Variants in CDH12 observed in about 807,000 individuals in gnomAD.
CDH12 encodes cadherin 12.
A neutral mutation model predicts 74.1 loss-of-function variants in CDH12; 41 were observed. The ratio of observed to expected loss-of-function variants is 0.55; its 90% CI spans 0.43 to 0.72. The LOEUF is 0.72. Ranked by LOEUF, CDH12 falls within the 30% of genes least tolerant of loss-of-function variation. The pLI, the probability that CDH12 is intolerant of heterozygous loss-of-function variation, is 0.00. For missense variants in CDH12, 945 were observed against 977.2 expected (o/e 0.97, Z 0.44); for synonymous variants, 399 against 355.0 (o/e 1.12, Z -1.39).
chr5:22,799,457 T>C (rs891838815), intron 1 of CDH12, among the ~76,000 whole-genome samples: 2 of 152,206 alleles, frequency 1.3e-5, no homozygotes, highest in African/African-American at 4.8e-5. Context: ...CAGTATTTTA[T>C]TAAAAATGTG....
At chr5:22,050,200 A>G (rs944772136) in intron 5 of CDH12, among the ~76,000 whole-genome samples, 1 of 151,902 alleles carries the variant, frequency 6.6e-6, no homozygotes, top group Non-Finnish European at 1.5e-5. Context: ...TTCCTCCACA[A>G]GTTGATTGCC....
At chr5:21,825,360 G>A (rs1183654648) in intron 8 of CDH12, among the ~76,000 whole-genome samples, 3 of 152,054 alleles carry the variant, frequency 2.0e-5, no homozygotes, top group Non-Finnish European at 4.4e-5. Context: ...CAATTGAAGT[G>A]TCCTTCATCT....
intron 1 of CDH12, among the ~76,000 whole-genome samples, chr5:22,798,988 AT>A (rs1268623368): frequency 1.3e-5 from 2 of 152,072 alleles, no homozygotes; most frequent in African/African-American, 4.8e-5. Flanking sequence ...GTGGCAGTGC[AT>A]ACCTGTGGTT....
intron 4 of CDH12, among the ~76,000 whole-genome samples, chr5:22,100,043 C>T (rs1270594179): frequency 1.3e-5 from 2 of 152,128 alleles, no homozygotes; most frequent in African/African-American, 2.4e-5. Context: ...AGAAACATCG[C>T]CCATTATCTC....
At chr5:22,805,040 T>C (rs1309478487) in intron 1 of CDH12, among the ~76,000 whole-genome samples, 1 of 152,190 alleles carries the variant, frequency 6.6e-6, no homozygotes, top group Non-Finnish European at 1.5e-5. Flanking sequence ...ACACTGCTGG[T>C]GGGAATGTAA....
At chr5:21,991,439 G>C (rs114916815) in intron 5 of CDH12, among the ~76,000 whole-genome samples, 24,089 of 123,378 alleles carry the variant, frequency 0.2, 2,203 homozygotes, top group African/African-American at 0.28. Context: ...CTTTTGCTCA[G>C]ACAAGCACAA....
chr5:21,789,446 C>A (rs1746373869), intron 10 of CDH12, among the ~76,000 whole-genome samples: 1 of 152,038 alleles, frequency 6.6e-6, no homozygotes, highest in African/African-American at 2.4e-5. Flanking sequence ...AGTAGCTTTT[C>A]TTGAATAAAT....
At chr5:22,139,461 ATT>A (rs998977743) in intron 4 of CDH12, 1 of 119,390 alleles carries the variant, frequency 8.4e-6, no homozygotes, top group African/African-American at 3.3e-5. Context: ...CTATTCCATA[ATT>A]TGCACAAAAA....
chr5:21,959,924 CAAAAAAAAAAAA>C (rs1201352707), intron 6 of CDH12, among the ~76,000 whole-genome samples: 3 of 49,786 alleles, frequency 6.0e-5, no homozygotes, highest in South Asian at 8.9e-4. Flanking sequence ...GGCTCCATCT[CAAAAAAAAAAAA>C]AAAAAAAAAG....
intron 8 of CDH12, among the ~76,000 whole-genome samples, chr5:21,824,222 T>C (rs145242158): frequency 1.3e-5 from 2 of 152,138 alleles, no homozygotes; most frequent in African/African-American, 4.8e-5. Flanking sequence ...TTTTTCATCA[T>C]CTCCTTTCCT....
At chr5:22,270,090 G>T (rs1014804333) in intron 3 of CDH12, among the ~76,000 whole-genome samples, 2 of 152,100 alleles carry the variant, frequency 1.3e-5, no homozygotes, top group Admixed American at 6.6e-5. Context: ...TCTTTGGGAA[G>T]AGCTGGGAGT....
intron 1 of CDH12, chr5:22,638,942 TC>T (rs1738983280): frequency 6.6e-6 from 1 of 150,642 alleles, no homozygotes; most frequent in Non-Finnish European, 1.5e-5. Context: ...TCCCAGCTAC[TC>T]TGGAGGCTGA....
intron 1 of CDH12, among the ~76,000 whole-genome samples, chr5:22,616,995 G>A (rs947116281): frequency 7.2e-5 from 11 of 151,996 alleles, no homozygotes; most frequent in African/African-American, 2.7e-4. Context: ...TTCCTGAGTA[G>A]CCGGGACTAG....
chr5:21,814,419 AATG>A (rs1747930799), intron 9 of CDH12, among the ~76,000 whole-genome samples: 1 of 151,954 alleles, frequency 6.6e-6, no homozygotes, highest in African/African-American at 2.4e-5. Context: ...TACATAACTG[AATG>A]ATTACTTTCA....
rs574966202 is a variant in CDH12, at chr5:21,814,221, C to T, written c.1002+2724G>A. 9.9e-5 allele frequency among the ~76,000 whole-genome samples: 15 copies of T among 151,200 alleles called. No homozygotes were observed. In the East Asian group the frequency reaches 2.0e-3, roughly 20 times the overall value. On this transcript the variant is annotated intron_variant, in intron 9 of 14. Coordinates refer to ENST00000382254, the MANE Select transcript of CDH12 (RefSeq NM_004061.5). ...AGATATACTTTCAAGATTATCTACC[C>T]TATCTAAATCTATTTTAATAAAAGT...
intron 6 of CDH12, among the ~76,000 whole-genome samples, chr5:21,950,833 T>C (rs1755828188): frequency 6.6e-6 from 1 of 150,490 alleles, no homozygotes; most frequent in Non-Finnish European, 1.5e-5. Context: ...TCACCCAGGC[T>C]GGAGTGCAGT....
chr5:22,565,440 C>T (rs1739242057), intron 1 of CDH12, among the ~76,000 whole-genome samples: 1 of 152,146 alleles, frequency 6.6e-6, no homozygotes, highest in African/African-American at 2.4e-5. Context: ...TGAAACTGAA[C>T]TCTCTCTATA....
At position 22,819,364 on chromosome 5, in the gene CDH12, TA is replaced by T. The variant is rs966068476; in HGVS notation, c.-523+33693del. Among the ~76,000 whole-genome samples the T allele has an allele frequency of 2.7e-5, 4 of 150,724 alleles. No individual in the cohort carries two copies. The South Asian group carries it at 6.3e-4, about 24-fold the overall frequency. The stretch of plus-strand genomic sequence containing the variant: ...GAGACATGAAGCTAAGTTAAAAATT[TA>T]AAAAAAAAGGAAAAGAAATATATCT... On this transcript the variant is annotated intron_variant, in intron 1 of 14. Transcript: ENST00000382254.
intron 5 of CDH12, among the ~76,000 whole-genome samples, chr5:22,035,466 T>C (rs905514619): frequency 6.6e-6 from 1 of 151,968 alleles, no homozygotes; most frequent in Non-Finnish European, 1.5e-5. Flanking sequence ...ACAGAAAGTA[T>C]AAAAACATGT....
Sources: gnomAD v4.1 joint callset for allele counts (sites outside exome capture counted in the v4.1 genomes callset) on GRCh38, gnomAD v4.1.1 for gene constraint, MANE v1.5 for transcripts, NCBI Gene and HGNC (gene_info 2026-07-23, HGNC 2026-07-21) for gene names.